MRPL43: variants seen among roughly 807,000 people sequenced by gnomAD.
MRPL43 encodes mitochondrial ribosomal protein L43, also known as large ribosomal subunit protein mL43.
MRPL43 carries 9 observed loss-of-function variants against 12.7 expected under a neutral mutation model. The ratio of observed to expected loss-of-function variants is 0.71; its 90% CI spans 0.43 to 1.24. The LOEUF (loss-of-function observed/expected upper bound fraction) is 1.24. Ranked by LOEUF, MRPL43 falls within the 50% of genes most tolerant of loss-of-function variation. The pLI, the probability that MRPL43 is intolerant of heterozygous loss-of-function variation, is 0.00. For synonymous variants in MRPL43, 116 were observed against 96.4 expected, an observed-to-expected ratio of 1.20 and a Z score of -1.19; for missense variants, 211 against 229.2, an observed-to-expected ratio of 0.92 and a Z score of 0.51.
chr10:100,981,404 A>C (rs910577831), downstream of MRPL43: 6 of 1,613,424 alleles, frequency 3.7e-6, no homozygotes, highest in South Asian at 2.2e-5. Flanking sequence ...TTACTGCCCA[A>C]ATGAATTATA....
At chr10:100,983,834 G>T, downstream of MRPL43, 1 of 1,597,976 alleles carries the variant, frequency 6.3e-7, no homozygotes, top group Non-Finnish European at 8.5e-7. Flanking sequence ...AGGAAGATGA[G>T]GGTGATGATG....
chr10:100,979,541 C>T (rs1850957548), downstream of MRPL43, among the ~76,000 whole-genome samples: 1 of 152,060 alleles, frequency 6.6e-6, no homozygotes, highest in Admixed American at 6.5e-5. Context: ...TGCCACCACG[C>T]CTGGCTAATT....
downstream of MRPL43, chr10:100,978,883 G>A: frequency 1.9e-6 from 3 of 1,614,242 alleles, no homozygotes; most frequent in Non-Finnish European, 2.5e-6. Flanking sequence ...TCGTGCGGGA[G>A]AGCAAGGCCA....
chr10:100,982,945 G>C (rs540355855), downstream of MRPL43, among the ~76,000 whole-genome samples: 1 of 152,332 alleles, frequency 6.6e-6, no homozygotes, highest in South Asian at 2.1e-4. Flanking sequence ...CTTTGGTTTT[G>C]AGGTGTCCAA....
At chr10:100,983,632 T>A, downstream of MRPL43, 1 of 1,613,986 alleles carries the variant, frequency 6.2e-7, no homozygotes, top group African/African-American at 1.3e-5. Context: ...GCACCTGATG[T>A]GAGACTGCTC....
chr10:100,987,459 G>C lies in MRPL43; in HGVS notation c.-16C>G. On this transcript the variant is annotated 5_prime_UTR_variant, in exon 1 of 3. Transcript: ENST00000318364. ...GCGCCGTCATAGCTACAGCTTGGAGGCCGCGGAGCCTAAGCAGCGAGGAGA... is the reference window on the plus strand; with the variant it reads ...GCGCCGTCATAGCTACAGCTTGGAGCCCGCGGAGCCTAAGCAGCGAGGAGA... 1 of 1,610,762 alleles carries C rather than the reference G, an allele frequency of 6.2e-7. No individual in the cohort carries two copies. Among genetic ancestry groups the C allele is most frequent in the South Asian group, 1.1e-5 (1 of 90,996 alleles).
In MRPL43 at chr10:100,987,360, A is replaced by C; in HGVS notation, c.84T>G (p.Arg28=). 1 of 1,612,570 alleles carries C rather than the reference A, an allele frequency of 6.2e-7. No homozygotes were observed. Among genetic ancestry groups the C allele is most frequent in the Non-Finnish European group, 8.5e-7 (1 of 1,179,896 alleles). ...CGTCGCGGCTGACGCTGAAGCTCAG[A>C]CGCTGCAGCTGCTGCACATAGCGAC... ...GLGRYVQQLQ[R]LSFSVSRDGA... The change falls in exon 1 of 3, where the codon CGT becomes CGG. Residue 28 remains arginine (R), a synonymous_variant. Coordinates refer to ENST00000318364, the MANE Select transcript of MRPL43 (RefSeq NM_032112.3).
downstream of MRPL43, chr10:100,979,958 A>G (rs752375155): frequency 3.1e-6 from 5 of 1,614,046 alleles, no homozygotes; most frequent in Admixed American, 5.0e-5. Context: ...TGGGGTCGCT[A>G]TGAGGGTGGG....
At chr10:100,978,574 G>C, downstream of MRPL43, 1 of 1,614,128 alleles carries the variant, frequency 6.2e-7, no homozygotes, top group Non-Finnish European at 8.5e-7. Context: ...GAGCATTCCT[G>C]ACATCCGCCG....
chr10:100,980,749 G>C, downstream of MRPL43: 2 of 1,606,392 alleles, frequency 1.2e-6, no homozygotes, highest in Non-Finnish European at 1.7e-6. Context: ...AGAGGGAGTG[G>C]GGAGGTTGGG....
At chr10:100,984,450 T>C (rs1332383377), downstream of MRPL43, 6 of 1,513,788 alleles carry the variant, frequency 4.0e-6, no homozygotes, top group African/African-American at 1.4e-5. Context: ...TCCATCCTCC[T>C]GTTCCATTCA....
downstream of MRPL43, chr10:100,983,463 C>A: frequency 6.2e-7 from 1 of 1,614,166 alleles, no homozygotes; most frequent in East Asian, 2.2e-5. Context: ...CGTGGACGGG[C>A]TGCTGGTTAC....
At chr10:100,979,944 G>C, downstream of MRPL43, 3 of 1,614,124 alleles carry the variant, frequency 1.9e-6, no homozygotes, top group Non-Finnish European at 2.5e-6. Flanking sequence ...ATGGTTCCCG[G>C]CGCTGGGGTC....
chr10:100,983,561 A>G, downstream of MRPL43: 1 of 1,613,832 alleles, frequency 6.2e-7, no homozygotes, highest in South Asian at 1.1e-5. Context: ...ATAGTCTCAC[A>G]GTCCGGCCAG....
chr10:100,980,138 T>C (rs748920327), downstream of MRPL43: 1 of 1,614,204 alleles, frequency 6.2e-7, no homozygotes, highest in South Asian at 1.1e-5. Flanking sequence ...ACAGATTCAT[T>C]GCGCAGCCAA....
chr10:100,981,240 C>CATAT (rs756674485), downstream of MRPL43: 3 of 1,613,890 alleles, frequency 1.9e-6, no homozygotes, highest in Non-Finnish European at 2.5e-6. Context: ...GTAAGTGACT[C>CATAT]ATATGAGTGT....
downstream of MRPL43, chr10:100,978,786 TCA>T: frequency 6.3e-7 from 1 of 1,590,436 alleles, no homozygotes; most frequent in Non-Finnish European, 8.6e-7. Context: ...GGGGTCAGCC[TCA>T]GAGTGAGGGA....
chr10:100,979,381 T>G (rs1449359869), downstream of MRPL43: 8 of 1,582,186 alleles, frequency 5.1e-6, no homozygotes, highest in Admixed American at 5.5e-5. Flanking sequence ...GGCTGCAAAG[T>G]GAGAATTTTT....
downstream of MRPL43, chr10:100,979,304 T>C (rs372168483): frequency 2.6e-5 from 42 of 1,613,996 alleles, 1 homozygote; most frequent in African/African-American, 5.5e-4. Flanking sequence ...GGCAAGAAAC[T>C]GCGGACAGCA....
Sources: allele counts gnomAD v4.1 joint callset (sites outside exome capture counted in the v4.1 genomes callset), GRCh38; gene constraint gnomAD v4.1.1; transcripts MANE v1.5; gene names NCBI Gene and HGNC (gene_info 2026-07-23, HGNC 2026-07-21).